Variants in FBLN2 observed in about 807,000 individuals in gnomAD.
FBLN2 encodes the protein fibulin 2.
Under a neutral mutation model 123.7 loss-of-function variants are expected in FBLN2, and 81 were observed. That is an observed-to-expected ratio of 0.65 (90% CI 0.55 to 0.79). The LOEUF (loss-of-function observed/expected upper bound fraction) is 0.79, where lower values mean the gene tolerates loss of function less well. Among genes scored for constraint, FBLN2 ranks in the 30% least tolerant of loss-of-function variants. FBLN2 has a pLI of 0.00. For synonymous variants in FBLN2, 699 were observed against 701.4 expected (o/e 1.00, Z 0.05); for missense variants, 1,603 against 1,681.3 (o/e 0.95, Z 0.81).
At chr3:13,549,246 C>G (rs1313222484) in intron 1 of FBLN2, 38 bp downstream of exon 1, 2 of 979,792 alleles carry the variant, frequency 2.0e-6, no homozygotes, top group Non-Finnish European at 2.4e-6. Flanking sequence ...GACTCATCCC[C>G]GTCGGTCCGC....
chr3:13,607,080 C>A (rs931877139), intron 2 of FBLN2, among the ~76,000 whole-genome samples: 31 of 152,214 alleles, frequency 2.0e-4, no homozygotes, highest in African/African-American at 7.0e-4. Context: ...CTCTGCCTCC[C>A]AGGTTCGAGC....
intron 15 of FBLN2, 127 bp downstream of exon 15, chr3:13,630,942 C>G: frequency 1.4e-6 from 1 of 736,920 alleles, no homozygotes; most frequent in Non-Finnish European, 2.3e-6. Flanking sequence ...AGTTCAAGCC[C>G]CAGCCCTGCA....
chr3:13,591,534 TA>T (rs1310463398), intron 2 of FBLN2, among the ~76,000 whole-genome samples: 1 of 152,142 alleles, frequency 6.6e-6, no homozygotes, highest in East Asian at 1.9e-4. Context: ...GTGATCCACC[TA>T]CCTCAGCCTC....
intron 2 of FBLN2, among the ~76,000 whole-genome samples, chr3:13,602,628 A>C (rs1408794904): frequency 6.6e-6 from 1 of 152,192 alleles, no homozygotes; most frequent in African/African-American, 2.4e-5. Context: ...AAGCATGTTC[A>C]CTGTAGATTT....
intron 5 of FBLN2, among the ~76,000 whole-genome samples, chr3:13,614,900 CTAT>C (rs1705540790): frequency 6.8e-6 from 1 of 146,214 alleles, no homozygotes; most frequent in Non-Finnish European, 1.5e-5. Context: ...ATCTATTCAT[CTAT>C]CCATCCATCC....
intron 1 of FBLN2, among the ~76,000 whole-genome samples, chr3:13,569,987 T>C (rs114526704): frequency 0.014 from 2,143 of 152,112 alleles, 43 homozygotes; most frequent in African/African-American, 0.048. Flanking sequence ...CATGTGTGTG[T>C]GTGGGCACGA....
In FBLN2 at chr3:13,630,578, G is replaced by A. The variant is rs112795452; in HGVS notation, c.2969-121G>A. The A allele has an allele frequency of 2.3e-3, 1,698 of 751,890 alleles. 27 individuals are homozygous for A. In the African/African-American group the frequency reaches 0.027, roughly 12 times the overall value. 46.6% of individuals were successfully genotyped at this position (751,890 alleles called of 1,614,324 possible). A position where few individuals can be genotyped will look rare whatever the true frequency, so the allele number is the denominator to read the frequency against. ...AGGCCTGGCAGGAGAGCTGGCCCTC[G>A]CATAGGTCAACCCCAGTCCAGGCCG... On this transcript the variant is annotated intron_variant, in intron 14 of 17. Coordinates refer to ENST00000404922, the MANE Select transcript of FBLN2 (RefSeq NM_001004019.2).
intron 2 of FBLN2, among the ~76,000 whole-genome samples, chr3:13,575,891 T>A (rs902904239): frequency 2.6e-5 from 4 of 152,186 alleles, no homozygotes; most frequent in African/African-American, 7.2e-5. Context: ...GACCTGGTGC[T>A]GCTAGCCACA....
chr3:13,567,384 G>A (rs1446373761), intron 1 of FBLN2, among the ~76,000 whole-genome samples: 2 of 152,162 alleles, frequency 1.3e-5, no homozygotes, highest in African/African-American at 4.8e-5. Flanking sequence ...TTGAGACGGG[G>A]TCTCCCTCTG....
rs546603952 is a variant in FBLN2, at chr3:13,569,063, G to T, written c.-41-1252G>T. Reference sequence around the variant, plus strand: ...TCTTGCCTGTGACTTTGGGGAGCACGCTGTCTATAAGAGTCAGGTACGGCC... The same window carrying T: ...TCTTGCCTGTGACTTTGGGGAGCACTCTGTCTATAAGAGTCAGGTACGGCC... On this transcript the variant is annotated intron_variant, in intron 1 of 17. Coordinates refer to ENST00000404922, the MANE Select transcript of FBLN2 (RefSeq NM_001004019.2). The T allele has an allele frequency of 1.0e-5, 10 of 985,978 alleles. No homozygotes were observed. In the South Asian group the frequency reaches 4.2e-4, roughly 42 times the overall value. 61.1% of individuals were successfully genotyped at this position (985,978 alleles called of 1,614,324 possible). A position where few individuals can be genotyped will look rare whatever the true frequency, so the allele number is the denominator to read the frequency against.
At position 13,582,892 on chromosome 3, in the gene FBLN2, C is replaced by A. The variant is rs185760515; in HGVS notation, c.1306+11231C>A. Among the ~76,000 whole-genome samples, 6 of 152,362 alleles carry A rather than the reference C, an allele frequency of 3.9e-5. No individual in the cohort carries two copies. In the East Asian group the frequency reaches 1.2e-3, roughly 29 times the overall value. Reference sequence around the variant, plus strand: ...TCTTCAAACAGATGTAGATGTGTATCTTCTGGTGGCCAGAAGTTGTCCCCT... The same window carrying A: ...TCTTCAAACAGATGTAGATGTGTATATTCTGGTGGCCAGAAGTTGTCCCCT... On this transcript the variant is annotated intron_variant, in intron 2 of 17. Coordinates refer to ENST00000404922, the MANE Select transcript of FBLN2 (RefSeq NM_001004019.2).
chr3:13,623,520 G>A (rs955569021), intron 9 of FBLN2, among the ~76,000 whole-genome samples: 2 of 152,096 alleles, frequency 1.3e-5, no homozygotes, highest in Non-Finnish European at 2.9e-5. Flanking sequence ...TGTTCATCCC[G>A]TCGTGTTAGT....
rs1280910018 is a variant in FBLN2, at chr3:13,638,270, G to A, written c.*351G>A. 2 of 509,300 alleles carry A rather than the reference G, an allele frequency of 3.9e-6. No homozygotes were observed. Among genetic ancestry groups the A allele is most frequent in the Non-Finnish European group, 7.2e-6 (2 of 276,946 alleles). 31.5% of individuals were successfully genotyped at this position (509,300 alleles called of 1,614,324 possible). On this transcript the variant is annotated 3_prime_UTR_variant, in exon 18 of 18. Coordinates refer to ENST00000404922, the MANE Select transcript of FBLN2 (RefSeq NM_001004019.2). ...CCCCAAAGTTGACATTCCATTTCAT[G>A]TTCCACTGTGATTAATTCTTTTCTT...
chr3:13,593,883 T>C (rs1453638119), intron 2 of FBLN2, among the ~76,000 whole-genome samples: 1 of 151,982 alleles, frequency 6.6e-6, no homozygotes, highest in Non-Finnish European at 1.5e-5. Flanking sequence ...CAAGTATGAA[T>C]TCTTCTTCTC....
At chr3:13,584,188 A>C (rs1213967620) in intron 2 of FBLN2, among the ~76,000 whole-genome samples, 1 of 152,226 alleles carries the variant, frequency 6.6e-6, no homozygotes, top group African/African-American at 2.4e-5. Flanking sequence ...ACAGCTCCCA[A>C]TTTGTAAATA....
chr3:13,635,869 C>T (rs1187964755), intron 16 of FBLN2, among the ~76,000 whole-genome samples: 3 of 152,000 alleles, frequency 2.0e-5, no homozygotes, highest in Admixed American at 6.5e-5. Context: ...CAAACAGCCT[C>T]GGTGTGTTGC....
In FBLN2 at chr3:13,570,668, G is replaced by A. The variant is rs1444045864; in HGVS notation, c.313G>A (p.Gly105Ser). The part of the protein sequence containing the change: ...STECSCPPGG[G>S]KISCQFMLCP... ...TGAGTGCTCCTGCCCACCAGGCGGC[G>A]GCAAGATCAGCTGCCAGTTCATGCT... Residue 105 changes from glycine to serine, a missense_variant, in exon 2 of 18, where the codon GGC (glycine) becomes AGC (serine). Transcript: ENST00000404922. 8.8e-6 allele frequency: 14 copies of A among 1,584,262 alleles called. No individual in the cohort carries two copies. The highest frequency in any genetic ancestry group is 5.7e-5 in the South Asian group (5 of 87,652).
intron 1 of FBLN2, among the ~76,000 whole-genome samples, chr3:13,552,867 A>C (rs185676803): frequency 6.6e-6 from 1 of 152,274 alleles, no homozygotes; most frequent in East Asian, 1.9e-4. Flanking sequence ...GTGTGGGCCA[A>C]TGCTGTGCCA....
At chr3:13,551,726 G>A (rs1438908088) in intron 1 of FBLN2, among the ~76,000 whole-genome samples, 1 of 152,098 alleles carries the variant, frequency 6.6e-6, no homozygotes, top group Non-Finnish European at 1.5e-5. Flanking sequence ...CAGCAAATTC[G>A]GGCCTAAGGT....
Sources: gnomAD v4.1 joint callset for allele counts (sites outside exome capture counted in the v4.1 genomes callset) on GRCh38, gnomAD v4.1.1 for gene constraint, MANE v1.5 for transcripts, NCBI Gene and HGNC (gene_info 2026-07-23, HGNC 2026-07-21) for gene names.